The following DMKN variants were observed in gnomAD, a reference collection of about 807,000 sequenced individuals.
DMKN encodes the protein dermokine.
DMKN carries 58 observed loss-of-function variants against 67.6 expected under a neutral mutation model. The ratio of observed to expected loss-of-function variants is 0.86; its 90% CI spans 0.69 to 1.07. DMKN has a LOEUF of 1.07. DMKN is among the 50% of genes least tolerant of loss of function. The pLI is 0.00. For synonymous variants in DMKN, 240 were observed against 232.3 expected (o/e 1.03, Z -0.30); for missense variants, 596 against 601.5 (o/e 0.99, Z 0.10).
At chr19:35,511,272 G>A in intron 5 of DMKN, 139 bp downstream of exon 5, 4 of 1,460,804 alleles carry the variant, frequency 2.7e-6, no homozygotes, top group South Asian at 2.6e-5. Flanking sequence ...GAGGCTGAGG[G>A]AGCCTCAGGG....
At chr19:35,507,485 G>A (rs768365207) in intron 7 of DMKN, 34 of 1,551,382 alleles carry the variant, frequency 2.2e-5, no homozygotes, top group Admixed American at 2.0e-5. Context: ...AGCCTCCAAG[G>A]AGGCGATTGC....
At position 35,508,222 on chromosome 19, in the gene DMKN, C is replaced by T. The variant is rs553719039; in HGVS notation, c.1038+1689G>A. ...CCTCTTACCCTCATGTTGCTGGAAA[C>T]TCCCTGTCCTCTGAAGCCCTGCAGG... On this transcript the variant is annotated intron_variant, in intron 7 of 15. Transcript: ENST00000339686. 1.0e-5 allele frequency: 16 copies of T among 1,552,280 alleles called. No homozygotes were observed. The East Asian group carries it at 2.2e-4, about 21-fold the overall frequency.
Position 35,509,968 on chromosome 19 carries a change from G to C in DMKN, c.988-7C>G. 1 of 1,614,068 alleles carries C rather than the reference G, an allele frequency of 6.2e-7. No homozygotes were observed. The highest frequency in any genetic ancestry group is 1.1e-5 in the South Asian group (1 of 91,082). Reference sequence around the variant, plus strand: ...CATTCCCTGGCTTTTCACACTGCCGGGGAGAGAAAGGGGAGACTTTCCCTC... The same window carrying C: ...CATTCCCTGGCTTTTCACACTGCCGCGGAGAGAAAGGGGAGACTTTCCCTC... On this transcript the variant is annotated splice_region_variant and splice_polypyrimidine_tract_variant and intron_variant, in intron 6 of 15. Coordinates refer to ENST00000339686, the MANE Select transcript of DMKN (RefSeq NM_033317.5).
intron 11 of DMKN, among the ~76,000 whole-genome samples, chr19:35,501,271 CATACCTGACCTTG>C (rs2145893546): frequency 6.6e-6 from 1 of 152,292 alleles, no homozygotes; most frequent in South Asian, 2.1e-4. Flanking sequence ...CTGCCTTATC[CATACCTGACCTTG>C]AACCTAAACC....
rs769410743 is a variant in DMKN at position 35,513,047 on chromosome 19, C to T, written c.426+3G>A. 7 of 1,612,796 alleles carry T rather than the reference C, an allele frequency of 4.3e-6. No homozygotes were observed. In the East Asian group the frequency reaches 1.3e-4, roughly 31 times the overall value. The stretch of plus-strand genomic sequence containing the variant: ...TTCCACATGCAGCCCCACAGCCACT[C>T]ACCCAAGCACCATTGTGGCCAGGCA... On this transcript the variant is annotated splice_donor_region_variant and intron_variant, in intron 1 of 15. Coordinates refer to ENST00000339686, the MANE Select transcript of DMKN (RefSeq NM_033317.5).
chr19:35,505,875 T>G (rs1174711408), intron 8 of DMKN, 64 bp downstream of exon 8: 17 of 1,613,892 alleles, frequency 1.1e-5, no homozygotes, highest in Non-Finnish European at 1.4e-5. Context: ...CCCCAGACTG[T>G]GGGGCCAAGG....
At chr19:35,510,889 C>T (rs1185716276) in intron 5 of DMKN, among the ~76,000 whole-genome samples, 2 of 152,152 alleles carry the variant, frequency 1.3e-5, no homozygotes, top group African/African-American at 4.8e-5. Context: ...AGGCCCGGGG[C>T]CCTGGGGTGG....
rs550792146 is a variant in DMKN, at chr19:35,509,835, T to C, written c.1038+76A>G. 40 of 1,543,104 alleles carry C rather than the reference T, an allele frequency of 2.6e-5. No homozygotes were observed. In the South Asian group the frequency reaches 4.0e-4, roughly 15 times the overall value. ...CAAGGCAGGAGGGGGTTGAGCAGAG[T>C]TGAGTTAGGAGGAGTGGGCACAGTC... On this transcript the variant is annotated intron_variant, in intron 7 of 15. Coordinates refer to ENST00000339686, the MANE Select transcript of DMKN (RefSeq NM_033317.5).
At chr19:35,502,710 A>G in intron 10 of DMKN, 120 bp downstream of exon 10, 3 of 1,035,648 alleles carry the variant, frequency 2.9e-6, no homozygotes, top group Non-Finnish European at 4.5e-6. Context: ...GTCTCAAAAA[A>G]AAAAAGGGGG....
chr19:35,503,274 G>A, intron 9 of DMKN: 1 of 1,488,674 alleles, frequency 6.7e-7, no homozygotes, highest in Non-Finnish European at 8.9e-7. Flanking sequence ...GATAACAGCG[G>A]AGACGTAAGA....
chr19:35,512,567 AG>A (rs2071026027), intron 2 of DMKN, 22 bp downstream of exon 2: 1 of 1,613,902 alleles, frequency 6.2e-7, no homozygotes, highest in Non-Finnish European at 8.5e-7. Context: ...GGTGGCAGGT[AG>A]CAGGTCTGGG....
intron 9 of DMKN, 128 bp from the exon 10 acceptor site, chr19:35,503,014 G>T: frequency 8.7e-7 from 1 of 1,145,870 alleles, no homozygotes; most frequent in Non-Finnish European, 1.2e-6. Context: ...GGGAGGAGCT[G>T]AGAGTCTTTA....
intron 15 of DMKN, 185 bp downstream of exon 15, chr19:35,498,531 T>G: frequency 1.3e-6 from 1 of 784,896 alleles, no homozygotes; most frequent in South Asian, 1.8e-5. Context: ...ATTATGGGTC[T>G]TTCTCCACAC....
At chr19:35,502,919 A>T (rs201058202) in intron 9 of DMKN, 33 bp from the exon 10 acceptor site, 25 of 1,606,770 alleles carry the variant, frequency 1.6e-5, no homozygotes, top group Non-Finnish European at 2.0e-5. Flanking sequence ...AGGTTAGCAG[A>T]GAGCCTGGGC....
In DMKN at chr19:35,512,451, A is replaced by C; in HGVS notation, c.654T>G (p.Gly218=). 6.2e-7 allele frequency: 1 copy of C among 1,614,058 alleles called. No individual in the cohort carries two copies. Among genetic ancestry groups the C allele is most frequent in the Non-Finnish European group, 8.5e-7 (1 of 1,179,994 alleles). ...TQGAVAQPGY[G]SVRASNQNEG... is the part of the protein sequence containing the mutation. ...CATTCTGGTTGCTGGCTCTCACTGA[A>C]CCATAGCCAGGCTGGGCCACAGCTC... The change falls in exon 3 of 16, where the codon GGT becomes GGG. Residue 218 remains glycine, a synonymous_variant. Transcript: ENST00000339686.
rs1376815571 is a variant in DMKN, at chr19:35,502,120, G to T, written c.1239+16C>A. On this transcript the variant is annotated intron_variant, in intron 11 of 15. Coordinates refer to ENST00000339686, the MANE Select transcript of DMKN (RefSeq NM_033317.5). ...GAACCCTGTGTCCCAGAGCTGAGAA[G>T]TCCTGCCCCCCTTACCTCAATAATT... 1 of 1,614,164 alleles carries T rather than the reference G, an allele frequency of 6.2e-7. No individual in the cohort carries two copies. Among genetic ancestry groups the T allele is most frequent in the African/African-American group, 1.3e-5 (1 of 75,040 alleles).
chr19:35,502,469 G>T (rs1284514978), intron 10 of DMKN, among the ~76,000 whole-genome samples: 2 of 152,148 alleles, frequency 1.3e-5, no homozygotes, highest in African/African-American at 4.8e-5. Flanking sequence ...GGAGGCCGAG[G>T]CAGGTGGATC....
intron 12 of DMKN, 168 bp from the exon 13 acceptor site, chr19:35,500,197 GC>G: frequency 2.6e-6 from 3 of 1,159,852 alleles, no homozygotes; most frequent in Admixed American, 2.1e-5. Context: ...GCCAGCCAGG[GC>G]CCCCACCCTC....
Position 35,502,904 on chromosome 19 carries a change from G to A in DMKN, c.1135-18C>T. 1.2e-6 allele frequency: 2 copies of A among 1,613,110 alleles called. No individual in the cohort carries two copies. Among genetic ancestry groups the A allele is most frequent in the Non-Finnish European group, 1.7e-6 (2 of 1,179,520 alleles). On this transcript the variant is annotated intron_variant, in intron 9 of 15. Coordinates refer to ENST00000339686, the MANE Select transcript of DMKN (RefSeq NM_033317.5). ...ACCTGGTTCTGTGGATGAAAGGCGG[G>A]GAGCAGGTTAGCAGAGAGCCTGGGC...
Sources: allele counts gnomAD v4.1 joint callset (sites outside exome capture counted in the v4.1 genomes callset), GRCh38; gene constraint gnomAD v4.1.1; transcripts MANE v1.5; gene names NCBI Gene and HGNC (gene_info 2026-07-23, HGNC 2026-07-21).